Variants in CADM2 observed in about 807,000 individuals in gnomAD.
The protein encoded by CADM2 is immunoglobulin superfamily member 4D.
A neutral mutation model predicts 49.8 loss-of-function variants in CADM2; 12 were observed. The ratio of observed to expected loss-of-function variants is 0.24; its 90% CI spans 0.15 to 0.39. CADM2 has a LOEUF of 0.39. CADM2 is among the 10% of genes least tolerant of loss of function. CADM2 has a pLI of 1.00. For synonymous variants in CADM2, 214 were observed against 175.4 expected (o/e 1.22, Z -1.74); for missense variants, 378 against 492.3 (o/e 0.77, Z 2.20).
chr3:85,401,144 G>T (rs976830167), intron 1 of CADM2, among the ~76,000 whole-genome samples: 7 of 152,118 alleles, frequency 4.6e-5, no homozygotes, highest in South Asian at 2.1e-4. Flanking sequence ...CACTAAGCTG[G>T]ACCAGAAGCT....
chr3:85,308,322 C>G (rs1255821001), intron 1 of CADM2, among the ~76,000 whole-genome samples: 2 of 151,184 alleles, frequency 1.3e-5, no homozygotes, highest in Non-Finnish European at 3.0e-5. Flanking sequence ...CACACACACA[C>G]ACACACACAC....
At chr3:85,785,885 G>T (rs2070954496) in intron 2 of CADM2, among the ~76,000 whole-genome samples, 1 of 152,010 alleles carries the variant, frequency 6.6e-6, no homozygotes. Context: ...TAGCCTGCAG[G>T]CACTTAGCCT....
rs138670007 is a variant in CADM2, at chr3:85,463,462, A to G, written c.62-263060A>G. 2.9e-3 allele frequency among the ~76,000 whole-genome samples: 445 copies of G among 152,256 alleles called. 4 individuals are homozygous for G. Among genetic ancestry groups the G allele is most frequent in the African/African-American group, 0.01 (432 of 41,546 alleles). ...GGTGATTCTTGATCAGGAATTGCCT[A>G]CTTCCTCAGAGTCTGTTGAGAATAA... is the stretch of plus-strand genomic sequence containing the variant. On this transcript the variant is annotated intron_variant, in intron 1 of 9. Transcript: ENST00000383699.
intron 1 of CADM2, among the ~76,000 whole-genome samples, chr3:85,134,114 C>T (rs1460176128): frequency 2.0e-5 from 3 of 152,238 alleles, no homozygotes; most frequent in South Asian, 2.1e-4. Context: ...GTGCTAAGCC[C>T]CTCATTGCCT....
chr3:85,688,522 A>T (rs1169070875), intron 1 of CADM2, among the ~76,000 whole-genome samples: 4 of 151,908 alleles, frequency 2.6e-5, no homozygotes, highest in African/African-American at 9.7e-5. Context: ...GCAAAATGCT[A>T]TAACCACCTT....
chr3:85,892,393 T>A (rs1714567286), intron 5 of CADM2, among the ~76,000 whole-genome samples: 1 of 152,216 alleles, frequency 6.6e-6, no homozygotes, highest in African/African-American at 2.4e-5. Flanking sequence ...TATGGTTGGC[T>A]ATGTCCCCAC....
intron 1 of CADM2, among the ~76,000 whole-genome samples, chr3:85,008,973 A>G (rs1043982417): frequency 2.6e-5 from 4 of 152,156 alleles, no homozygotes; most frequent in African/African-American, 9.6e-5. Context: ...AAGTGAATAT[A>G]AAGGTACTGA....
intron 1 of CADM2, among the ~76,000 whole-genome samples, chr3:85,671,597 T>C (rs753011703): frequency 2.6e-5 from 4 of 152,138 alleles, no homozygotes; most frequent in Non-Finnish European, 4.4e-5. Context: ...ACATTGTTTT[T>C]CCCTTCTCCT....
intron 2 of CADM2, among the ~76,000 whole-genome samples, chr3:85,776,989 G>T (rs887381825): frequency 2.0e-5 from 3 of 151,862 alleles, no homozygotes; most frequent in East Asian, 3.9e-4. Flanking sequence ...CTGTGTATTT[G>T]TTCCCCTAGT....
Position 85,086,924 on chromosome 3 carries a change from T to C in CADM2, c.61+127256T>C, listed in dbSNP as rs967127584. 6.6e-5 allele frequency among the ~76,000 whole-genome samples: 10 copies of C among 152,300 alleles called. No individual in the cohort carries two copies. In the Middle Eastern group the frequency reaches 0.014, roughly 207 times the overall value. On this transcript the variant is annotated intron_variant, in intron 1 of 9. Coordinates refer to ENST00000383699, the MANE Select transcript of CADM2 (RefSeq NM_001167675.2). ...TTTCATAGCAATATTTTGTCTGTAT[T>C]TGAGGACATTGTAAATGTTTGTACA...
intron 1 of CADM2, among the ~76,000 whole-genome samples, chr3:85,418,970 G>GAA (rs145250965): frequency 4.2e-4 from 63 of 150,724 alleles, no homozygotes; most frequent in East Asian, 1.2e-3. Flanking sequence ...TTTGAGAGGG[G>GAA]AAAAAAAAAT....
intron 1 of CADM2, among the ~76,000 whole-genome samples, chr3:85,055,840 C>T (rs2036060145): frequency 6.6e-6 from 1 of 151,972 alleles, no homozygotes; most frequent in South Asian, 2.1e-4. Context: ...GTATCTCAGG[C>T]CCTATCCCAG....
chr3:85,768,684 C>T (rs930333436), intron 2 of CADM2, among the ~76,000 whole-genome samples: 2 of 145,244 alleles, frequency 1.4e-5, no homozygotes, highest in Non-Finnish European at 3.0e-5. Flanking sequence ...TATATATATA[C>T]ACATATATAG....
intron 9 of CADM2, among the ~76,000 whole-genome samples, chr3:86,066,433 A>G (rs1739352164): frequency 2.6e-5 from 4 of 151,210 alleles, no homozygotes. Flanking sequence ...AGAAGTCACA[A>G]TTACTTATTA....
At chr3:85,879,485 A>G (rs1397715472) in intron 3 of CADM2, among the ~76,000 whole-genome samples, 3 of 152,124 alleles carry the variant, frequency 2.0e-5, no homozygotes, top group Non-Finnish European at 4.4e-5. Flanking sequence ...GAATTTTCCC[A>G]AAGGCTATAT....
chr3:85,434,842 A>C (rs1576547606), intron 1 of CADM2, among the ~76,000 whole-genome samples: 1 of 152,114 alleles, frequency 6.6e-6, no homozygotes, highest in Admixed American at 6.6e-5. Context: ...TTAAAAGCTA[A>C]GTAGTACCTC....
chr3:85,317,250 C>A (rs1291566810), intron 1 of CADM2, among the ~76,000 whole-genome samples: 2 of 152,040 alleles, frequency 1.3e-5, no homozygotes, highest in Non-Finnish European at 2.9e-5. Flanking sequence ...GCACTAGGCA[C>A]AAGAAGCACA....
intron 2 of CADM2, among the ~76,000 whole-genome samples, chr3:85,796,389 G>A (rs1448607): frequency 0.66 from 100,585 of 151,954 alleles, 33,752 homozygotes; most frequent in African/African-American, 0.76. Context: ...TCTCCATGTC[G>A]CCTTGCTAGA....
At chr3:85,869,520 A>G (rs1237114606) in intron 3 of CADM2, among the ~76,000 whole-genome samples, 1 of 152,004 alleles carries the variant, frequency 6.6e-6, no homozygotes, top group Non-Finnish European at 1.5e-5. Flanking sequence ...GGTCCCATAG[A>G]TCTCATATGG....
Sources: allele counts gnomAD v4.1 joint callset (sites outside exome capture counted in the v4.1 genomes callset), GRCh38; gene constraint gnomAD v4.1.1; transcripts MANE v1.5; gene names NCBI Gene and HGNC (gene_info 2026-07-23, HGNC 2026-07-21).